The following CDH13 variants were observed in gnomAD, a reference collection of about 807,000 sequenced individuals.
CDH13 encodes the protein cadherin-13.
CDH13 carries 24 observed loss-of-function variants against 63.8 expected under a neutral mutation model. The observed-to-expected ratio is 0.38, with a 90% CI of 0.27 to 0.53. The LOEUF (loss-of-function observed/expected upper bound fraction) is 0.53. CDH13 is among the 20% of genes least tolerant of loss of function. The probability of loss-of-function intolerance (pLI) is 0.85; values close to 1 mark genes in which losing one functional copy is unlikely to be tolerated. For missense variants in CDH13, 1,049 were observed against 903.1 expected (o/e 1.16, Z -2.07); for synonymous variants, 503 against 355.3 (o/e 1.42, Z -4.67).
At chr16:83,031,954 A>T in intron 2 of CDH13, 56 bp from the exon 3 acceptor site, 1 of 1,353,738 alleles carries the variant, frequency 7.4e-7, no homozygotes, top group Non-Finnish European at 1.0e-6. Context: ...GAGATATCTC[A>T]GAGATAAGCT....
intron 2 of CDH13, among the ~76,000 whole-genome samples, chr16:82,939,032 G>A (rs1469555745): frequency 6.6e-6 from 1 of 152,200 alleles, no homozygotes; most frequent in Admixed American, 6.5e-5. Flanking sequence ...ATCCTGCAAT[G>A]GGAGGTTGTC....
chr16:83,321,198 C>T (rs886471839), intron 5 of CDH13, among the ~76,000 whole-genome samples: 1 of 152,162 alleles, frequency 6.6e-6, no homozygotes, highest in Non-Finnish European at 1.5e-5. Flanking sequence ...TCTTGTGAAA[C>T]AATTGTCTAT....
chr16:83,506,059 C>T (rs1249397588), intron 7 of CDH13, among the ~76,000 whole-genome samples: 3 of 152,128 alleles, frequency 2.0e-5, no homozygotes, highest in Non-Finnish European at 4.4e-5. Context: ...CAGTGTAAGA[C>T]CAAAGAGGCT....
At chr16:82,892,232 G>T (rs1422611588) in intron 2 of CDH13, among the ~76,000 whole-genome samples, 1 of 152,104 alleles carries the variant, frequency 6.6e-6, no homozygotes, top group Non-Finnish European at 1.5e-5. Flanking sequence ...CACACATAAC[G>T]CTTAGGATGG....
intron 4 of CDH13, among the ~76,000 whole-genome samples, chr16:83,150,327 A>G (rs2036923077): frequency 6.6e-6 from 1 of 152,140 alleles, no homozygotes; most frequent in Non-Finnish European, 1.5e-5. Context: ...GTCTATGTCT[A>G]TGCCTATGCC....
At chr16:83,716,624 C>T (rs1908945484) in intron 10 of CDH13, among the ~76,000 whole-genome samples, 1 of 152,128 alleles carries the variant, frequency 6.6e-6, no homozygotes, top group Non-Finnish European at 1.5e-5. Context: ...GCTGGGACTA[C>T]AGGCACGTGC....
intron 11 of CDH13, among the ~76,000 whole-genome samples, chr16:83,763,623 T>A (rs1335691393): frequency 6.6e-6 from 1 of 152,136 alleles, no homozygotes; most frequent in Non-Finnish European, 1.5e-5. Flanking sequence ...AAGATGCTAG[T>A]TTGGATAAAA....
At chr16:83,436,595 C>G (rs34486975) in intron 6 of CDH13, among the ~76,000 whole-genome samples, 1 of 152,152 alleles carries the variant, frequency 6.6e-6, no homozygotes, top group African/African-American at 2.4e-5. Context: ...AATCTGTTAG[C>G]CTTCCCTGAA....
chr16:83,375,229 G>A (rs376911633), intron 6 of CDH13, among the ~76,000 whole-genome samples: 60 of 152,314 alleles, frequency 3.9e-4, no homozygotes, highest in African/African-American at 1.4e-3. Flanking sequence ...TACATAGAAG[G>A]TTGGTTAATT....
intron 1 of CDH13, among the ~76,000 whole-genome samples, chr16:82,846,256 T>A (rs2039250120): frequency 6.6e-6 from 1 of 152,156 alleles, no homozygotes; most frequent in African/African-American, 2.4e-5. Flanking sequence ...CCAGTCCTTA[T>A]TTTCATCCAA....
At chr16:82,815,430 G>C (rs1295867566) in intron 1 of CDH13, among the ~76,000 whole-genome samples, 1 of 152,126 alleles carries the variant, frequency 6.6e-6, no homozygotes, top group African/African-American at 2.4e-5. Flanking sequence ...TTGCGATTCT[G>C]AGGTGGTTGT....
intron 2 of CDH13, among the ~76,000 whole-genome samples, chr16:82,869,849 A>C (rs2040283559): frequency 6.6e-6 from 1 of 152,208 alleles, no homozygotes; most frequent in South Asian, 2.1e-4. Flanking sequence ...TTAAAGACTT[A>C]AATCTAAGAA....
chr16:83,092,931 G>A (rs4523914), intron 3 of CDH13, among the ~76,000 whole-genome samples: 227 of 151,912 alleles, frequency 1.5e-3, no homozygotes, highest in Non-Finnish European at 2.1e-3. Flanking sequence ...GTACTTTTGC[G>A]CAAGATTTGT....
chr16:82,926,290 A>AG (rs1266695830), intron 2 of CDH13, among the ~76,000 whole-genome samples: 1 of 152,130 alleles, frequency 6.6e-6, no homozygotes, highest in African/African-American at 2.4e-5. Context: ...TTTCCAAAAA[A>AG]AAAAAAGAAA....
intron 10 of CDH13, among the ~76,000 whole-genome samples, chr16:83,716,585 G>A (rs1444888134): frequency 1.3e-5 from 2 of 152,128 alleles, no homozygotes; most frequent in Non-Finnish European, 1.5e-5. Context: ...CTGGACTCAA[G>A]CAATCCTCCT....
chr16:83,036,176 T>A (rs1325860172), intron 3 of CDH13, among the ~76,000 whole-genome samples: 1 of 133,902 alleles, frequency 7.5e-6, no homozygotes, highest in East Asian at 2.2e-4. Context: ...TGAGATAGGG[T>A]CTCAGTCCTG....
rs993743946 is a variant in CDH13 at position 83,180,954 on chromosome 16, A to G, written c.484-36391A>G. The G allele has an allele frequency of 2.1e-5, 32 of 1,532,778 alleles. No homozygotes were observed. In the Admixed American group the frequency reaches 6.1e-4, roughly 29 times the overall value. 94.9% of individuals were successfully genotyped at this position (1,532,778 alleles called of 1,614,324 possible). A position where few individuals can be genotyped will look rare whatever the true frequency, so the allele number is the denominator to read the frequency against. ...AAATCCATGCATTACAATTTTAGCA[A>G]TTTAATGAACATCCTATTTGGCGAC... On this transcript the variant is annotated intron_variant, in intron 4 of 13. Transcript: ENST00000567109.
intron 2 of CDH13, among the ~76,000 whole-genome samples, chr16:82,968,608 A>G (rs1228898426): frequency 6.6e-6 from 1 of 152,106 alleles, no homozygotes; most frequent in Non-Finnish European, 1.5e-5. Flanking sequence ...TCCTGAAAAC[A>G]TGGATTTAGA....
intron 3 of CDH13, among the ~76,000 whole-genome samples, chr16:83,103,119 A>G (rs1000008472): frequency 2.0e-5 from 3 of 150,114 alleles, no homozygotes; most frequent in African/African-American, 7.4e-5. Flanking sequence ...CGCCCAGCTA[A>G]TTTTTGTATC....
Sources: allele counts gnomAD v4.1 joint callset (sites outside exome capture counted in the v4.1 genomes callset), GRCh38; gene constraint gnomAD v4.1.1; transcripts MANE v1.5; gene names NCBI Gene and HGNC (gene_info 2026-07-23, HGNC 2026-07-21).